The following COL4A1 variants were observed in gnomAD, a reference collection of about 807,000 sequenced individuals.
The protein encoded by COL4A1 is collagen alpha-1(IV) chain.
Under a neutral mutation model 216.6 loss-of-function variants are expected in COL4A1, and 40 were observed. The ratio of observed to expected loss-of-function variants is 0.18; its 90% confidence interval spans 0.14 to 0.24. The LOEUF is 0.24. Among genes scored for constraint, COL4A1 ranks in the 10% least tolerant of loss-of-function variants. The pLI, the probability that COL4A1 is intolerant of heterozygous loss-of-function variation, is 1.00. For synonymous variants in COL4A1, 839 were observed against 810.7 expected, an observed-to-expected ratio of 1.03 and a Z score of -0.59; for missense variants, 1,628 against 2,196.8, an observed-to-expected ratio of 0.74 and a Z score of 5.18.
chr13:110,196,039 C>T (rs1878872228), intron 21 of COL4A1, among the ~76,000 whole-genome samples: 1 of 152,220 alleles, frequency 6.6e-6, no homozygotes, highest in Non-Finnish European at 1.5e-5. Context: ...GTCAACTCTC[C>T]AGCTCGCCCA....
At chr13:110,179,672 C>T (rs144912483) in intron 29 of COL4A1, among the ~76,000 whole-genome samples, 1,969 of 152,282 alleles carry the variant, frequency 0.013, 19 homozygotes, top group Non-Finnish European at 0.02. Flanking sequence ...AGGCTCCCCA[C>T]GGATAAATGA....
chr13:110,251,601 C>G (rs138560157), intron 1 of COL4A1, among the ~76,000 whole-genome samples: 1 of 152,218 alleles, frequency 6.6e-6, no homozygotes, highest in Non-Finnish European at 1.5e-5. Flanking sequence ...CAGAGACTCA[C>G]GGGCATGCCA....
At chr13:110,262,158 A>T (rs560413576) in intron 1 of COL4A1, among the ~76,000 whole-genome samples, 94 of 152,320 alleles carry the variant, frequency 6.2e-4, no homozygotes, top group African/African-American at 2.1e-3. Flanking sequence ...CTTCAGAAAC[A>T]GATTCCTGCT....
chr13:110,228,650 T>C (rs190522894), intron 2 of COL4A1, among the ~76,000 whole-genome samples: 2 of 152,352 alleles, frequency 1.3e-5, no homozygotes. Flanking sequence ...CCAACTCCCA[T>C]GTTCCTAAAT....
chr13:110,230,680 C>T (rs1005126810), intron 2 of COL4A1, among the ~76,000 whole-genome samples: 1 of 152,232 alleles, frequency 6.6e-6, no homozygotes, highest in Admixed American at 6.5e-5. Context: ...AAACACCACT[C>T]TGCTTTCTGC....
At chr13:110,157,252 A>G (rs1327086199) in intron 49 of COL4A1, among the ~76,000 whole-genome samples, 2 of 152,266 alleles carry the variant, frequency 1.3e-5, no homozygotes, top group Non-Finnish European at 2.9e-5. Flanking sequence ...TCGTCAGAGC[A>G]ATTAGCAATC....
At position 110,306,983 on chromosome 13, in the gene COL4A1, G is replaced by T; in HGVS notation, c.45C>A (p.Ala15=). 3 of 1,477,496 alleles carry T rather than the reference G, an allele frequency of 2.0e-6. No individual in the cohort carries two copies. The highest frequency in any genetic ancestry group is 2.7e-6 in the Non-Finnish European group (3 of 1,119,782). The allele number at this position is 1,477,496 out of a possible 1,614,324, so 91.5% of individuals were successfully genotyped here. Residue 15 remains alanine (A), a synonymous_variant, in exon 1 of 52, where the codon GCC becomes GCA. Transcript: ENST00000375820. ...GGCTGTGCTCCTCGTGGAGCAGAAGGGCGGCGGGCAGCAGCAGCAGCCAGA... is the reference window on the plus strand; with the variant it reads ...GGCTGTGCTCCTCGTGGAGCAGAAGTGCGGCGGGCAGCAGCAGCAGCCAGA... ...LSVWLLLLPA[A]LLLHEEHSRA...
At chr13:110,204,608 T>G (rs1415897568) in intron 17 of COL4A1, among the ~76,000 whole-genome samples, 1 of 148,662 alleles carries the variant, frequency 6.7e-6, no homozygotes, top group African/African-American at 2.5e-5. Flanking sequence ...AATAATGAGG[T>G]TTTTTTTTTC....
At chr13:110,155,508 A>C (rs745723395) in intron 49 of COL4A1, 111 bp from the exon 50 acceptor site, 1 of 749,710 alleles carries the variant, frequency 1.3e-6, no homozygotes, top group Non-Finnish European at 2.4e-6. Flanking sequence ...TTTCTGGTCC[A>C]ATTACATATT....
rs766752492 is a variant in COL4A1, at chr13:110,200,875, G to A, written c.1099C>T (p.Pro367Ser). ...EPGPKGFPGLPGQPGPPGLPV... is the reference protein window; with the variant it reads ...EPGPKGFPGLSGQPGPPGLPV... ...TCACCTGGAGGTCCGGGTTGGCCTGGTAGTCCTGGGAAACCTGAAAAGAGA... is the reference window on the plus strand; with the variant it reads ...TCACCTGGAGGTCCGGGTTGGCCTGATAGTCCTGGGAAACCTGAAAAGAGA... The change falls in exon 20 of 52, where the codon CCA (proline) becomes TCA (serine). Residue 367 changes from proline (P) to serine (S), a missense_variant. Physicochemically the swap from Pro to Ser is moderately conservative, Grantham distance 74. Around this residue, in one of 8 missense-constraint regions of COL4A1, gnomAD observed 701 missense variants for 892.5 expected, o/e 0.79. Transcript: ENST00000375820. 6.2e-7 allele frequency: 1 copy of A among 1,614,062 alleles called. No homozygotes were observed. The highest frequency in any genetic ancestry group is 1.3e-5 in the African/African-American group (1 of 74,942).
chr13:110,280,048 T>G (rs1372817309), intron 1 of COL4A1, among the ~76,000 whole-genome samples: 1 of 152,272 alleles, frequency 6.6e-6, no homozygotes, highest in East Asian at 1.9e-4. Context: ...TCCTTATGAA[T>G]ATTTTCTGTT....
At chr13:110,177,555 C>A (rs1305068947) in intron 33 of COL4A1, among the ~76,000 whole-genome samples, 1 of 152,182 alleles carries the variant, frequency 6.6e-6, no homozygotes, top group Non-Finnish European at 1.5e-5. Context: ...TGTATCTTGG[C>A]ATGGCTGAAG....
At chr13:110,252,634 A>T in intron 1 of COL4A1, among the ~76,000 whole-genome samples, 1 of 76,962 alleles carries the variant, frequency 1.3e-5, no homozygotes, top group Non-Finnish European at 2.9e-5. Flanking sequence ...TATATATTAT[A>T]TATACTTATA....
intron 1 of COL4A1, among the ~76,000 whole-genome samples, chr13:110,273,479 C>T (rs1883318684): frequency 6.6e-6 from 1 of 152,182 alleles, no homozygotes; most frequent in Non-Finnish European, 1.5e-5. Flanking sequence ...ATATATCTCA[C>T]CTAGTCAGGG....
intron 1 of COL4A1, among the ~76,000 whole-genome samples, chr13:110,250,919 T>C (rs375290390): frequency 2.9e-4 from 44 of 152,110 alleles, no homozygotes; most frequent in African/African-American, 1.0e-3. Context: ...AAACTCAAAC[T>C]CCCTAATTCC....
chr13:110,265,063 A>G (rs1882971743), intron 1 of COL4A1, among the ~76,000 whole-genome samples: 1 of 152,228 alleles, frequency 6.6e-6, no homozygotes, highest in African/African-American at 2.4e-5. Context: ...TCCCACCATC[A>G]TCGATCGGCC....
rs1167498809 is a variant in COL4A1, at chr13:110,187,298, T to C, written c.1568A>G (p.Gln523Arg). The C allele has an allele frequency of 3.1e-6, 5 of 1,612,904 alleles. No individual in the cohort carries two copies. The highest frequency in any genetic ancestry group is 1.1e-5 in the South Asian group (1 of 91,032). ...ACCAGGCTCCCCCTTGGCTCCTGGCTGGCCTATCAGCCCTGGTGTACCTTG... is the reference window on the plus strand; with the variant it reads ...ACCAGGCTCCCCCTTGGCTCCTGGCCGGCCTATCAGCCCTGGTGTACCTTG... The part of the protein sequence containing the change: ...GPQGTPGLIG[Q>R]PGAKGEPGEF... Residue 523 changes from glutamine to arginine, a missense_variant, in exon 25 of 52, where the codon CAG (glutamine) becomes CGG (arginine). Physicochemically the swap from Gln to Arg is conservative, Grantham distance 43. Transcript: ENST00000375820.
At position 110,169,770 on chromosome 13, in the gene COL4A1, A is replaced by C; in HGVS notation, c.3743-8T>G. 6.2e-7 allele frequency: 1 copy of C among 1,613,814 alleles called. No homozygotes were observed. The highest frequency in any genetic ancestry group is 8.5e-7 in the Non-Finnish European group (1 of 1,179,972). Reference sequence around the variant, plus strand: ...CCATGGGTCCCGGAAGTCCTAATGGAAGAGAAGAAAGCCACACATTTGGGG... The same window carrying C: ...CCATGGGTCCCGGAAGTCCTAATGGCAGAGAAGAAAGCCACACATTTGGGG... On this transcript the variant is annotated splice_polypyrimidine_tract_variant and splice_region_variant and intron_variant, in intron 42 of 51. Transcript: ENST00000375820.
chr13:110,169,093 T>C (rs1344352326), intron 43 of COL4A1, among the ~76,000 whole-genome samples: 1 of 151,622 alleles, frequency 6.6e-6, no homozygotes, highest in Non-Finnish European at 1.5e-5. Context: ...TATTGCACCC[T>C]GAGATGTGCT....
Sources: allele counts gnomAD v4.1 joint callset (sites outside exome capture counted in the v4.1 genomes callset), GRCh38; gene constraint gnomAD v4.1.1; regional missense constraint gnomAD v4.1.1; transcripts MANE v1.5; gene names NCBI Gene and HGNC (gene_info 2026-07-23, HGNC 2026-07-21).